ST6GALNAC3: variants seen among roughly 807,000 people sequenced by gnomAD.
The protein encoded by ST6GALNAC3 is alpha-N-acetylgalactosaminide alpha-2,6-sialyltransferase 3.
In ST6GALNAC3, 25 loss-of-function variants were observed where a neutral mutation model predicts 32.7. The ratio of observed to expected loss-of-function variants is 0.76; its 90% CI spans 0.56 to 1.07. The LOEUF (loss-of-function observed/expected upper bound fraction) is 1.07, where lower values mean the gene tolerates loss of function less well. Among genes scored for constraint, ST6GALNAC3 ranks in the 50% least tolerant of loss-of-function variants. ST6GALNAC3 has a pLI of 0.00. For synonymous variants in ST6GALNAC3, 129 were observed against 133.1 expected (o/e 0.97, Z 0.21); for missense variants, 355 against 382.4 (o/e 0.93, Z 0.60).
chr1:76,323,588 G>A (rs578067405), intron 2 of ST6GALNAC3, among the ~76,000 whole-genome samples: 32 of 152,204 alleles, frequency 2.1e-4, no homozygotes, highest in South Asian at 8.3e-4. Context: ...TACATGCAAC[G>A]CACTGTGCTA....
At chr1:76,492,969 C>T (rs112513138) in intron 3 of ST6GALNAC3, among the ~76,000 whole-genome samples, 4,231 of 151,946 alleles carry the variant, frequency 0.028, 96 homozygotes, top group Admixed American at 0.069. Flanking sequence ...ATTCTTACTT[C>T]CCTTTAGGGT....
intron 1 of ST6GALNAC3, among the ~76,000 whole-genome samples, chr1:76,274,854 C>T (rs934076563): frequency 2.0e-5 from 3 of 152,152 alleles, no homozygotes; most frequent in African/African-American, 7.2e-5. Flanking sequence ...ACAGCAGAAG[C>T]ACTCAAATTC....
chr1:76,585,171 G>C (rs1450648495), intron 3 of ST6GALNAC3, among the ~76,000 whole-genome samples: 2 of 152,054 alleles, frequency 1.3e-5, no homozygotes, highest in African/African-American at 4.8e-5. Context: ...GATCACCTGA[G>C]GTCAGGAGTT....
Position 76,519,076 on chromosome 1 carries a change from T to C in ST6GALNAC3, c.623+106659T>C, listed in dbSNP as rs981506850. ...AAATAAAATGTATCACTTAGCTTTATTATCAATACTTTTTAGACTTAAAAA... is the reference window on the plus strand; with the variant it reads ...AAATAAAATGTATCACTTAGCTTTACTATCAATACTTTTTAGACTTAAAAA... On this transcript the variant is annotated intron_variant, in intron 3 of 4. Coordinates refer to ENST00000328299, the MANE Select transcript of ST6GALNAC3 (RefSeq NM_152996.4). 4.6e-5 allele frequency among the ~76,000 whole-genome samples: 7 copies of C among 152,290 alleles called. 1 individual carries two copies. In the South Asian group the frequency reaches 6.2e-4, roughly 14 times the overall value.
chr1:76,283,408 G>A (rs1462285277), intron 1 of ST6GALNAC3, among the ~76,000 whole-genome samples: 4 of 152,034 alleles, frequency 2.6e-5, no homozygotes, highest in East Asian at 1.9e-4. Context: ...ACTTTCAGGC[G>A]CTGTGGTCTA....
chr1:76,360,964 G>A (rs1649881154), intron 2 of ST6GALNAC3, among the ~76,000 whole-genome samples: 1 of 152,102 alleles, frequency 6.6e-6, no homozygotes, highest in Non-Finnish European at 1.5e-5. Flanking sequence ...GCTAATTAAA[G>A]GAGTGAAGGC....
chr1:76,277,244 G>T (rs1659180879), intron 1 of ST6GALNAC3, among the ~76,000 whole-genome samples: 1 of 151,872 alleles, frequency 6.6e-6, no homozygotes, highest in South Asian at 2.1e-4. Context: ...ATATATTTGT[G>T]TATGCCTATG....
chr1:76,624,909 CAT>C (rs1426005211), intron 3 of ST6GALNAC3, among the ~76,000 whole-genome samples: 3 of 151,962 alleles, frequency 2.0e-5, no homozygotes, highest in Non-Finnish European at 4.4e-5. Flanking sequence ...GACGTATTCA[CAT>C]GTTTGCTCAT....
At chr1:76,284,626 A>AT (rs5775334) in intron 1 of ST6GALNAC3, among the ~76,000 whole-genome samples, 64,644 of 151,566 alleles carry the variant, frequency 0.43, 13,927 homozygotes, top group Admixed American at 0.48. Flanking sequence ...ATGCTTGAGG[A>AT]TTTTTTTTGC....
intron 2 of ST6GALNAC3, among the ~76,000 whole-genome samples, chr1:76,374,241 T>C (rs139435875): frequency 1.4e-3 from 219 of 152,300 alleles, no homozygotes; most frequent in African/African-American, 4.9e-3. Context: ...ATAAATGTGA[T>C]GCTTGGGTGT....
At chr1:76,240,259 T>C (rs1656890348) in intron 1 of ST6GALNAC3, among the ~76,000 whole-genome samples, 2 of 152,220 alleles carry the variant, frequency 1.3e-5, no homozygotes, top group South Asian at 4.1e-4. Flanking sequence ...GTATGATGTT[T>C]TACGTAGAAC....
intron 3 of ST6GALNAC3, among the ~76,000 whole-genome samples, chr1:76,601,179 T>G (rs1647222157): frequency 1.3e-5 from 2 of 151,994 alleles, no homozygotes; most frequent in South Asian, 4.2e-4. Context: ...GTCAGGGCTA[T>G]AGAGCAAGAT....
At chr1:76,426,358 A>G (rs1315960466) in intron 3 of ST6GALNAC3, among the ~76,000 whole-genome samples, 1 of 151,638 alleles carries the variant, frequency 6.6e-6, no homozygotes, top group Non-Finnish European at 1.5e-5. Context: ...GTTGTTTGGG[A>G]TTGTTAGTTC....
At chr1:76,570,528 C>A (rs866016971) in intron 3 of ST6GALNAC3, among the ~76,000 whole-genome samples, 1 of 152,088 alleles carries the variant, frequency 6.6e-6, no homozygotes, top group African/African-American at 2.4e-5. Flanking sequence ...TAGGAAACTA[C>A]TTAAAAGAAG....
At chr1:76,180,936 C>A (rs960385156) in intron 1 of ST6GALNAC3, among the ~76,000 whole-genome samples, 4 of 152,244 alleles carry the variant, frequency 2.6e-5, no homozygotes, top group Admixed American at 6.5e-5. Context: ...TGGCCCTCTG[C>A]CCTTGCAAAA....
chr1:76,622,300 T>C (rs1238121742), intron 3 of ST6GALNAC3, among the ~76,000 whole-genome samples: 1 of 151,962 alleles, frequency 6.6e-6, no homozygotes, highest in Non-Finnish European at 1.5e-5. Flanking sequence ...GGCTAAGACT[T>C]GCCCTTTGGG....
intron 2 of ST6GALNAC3, among the ~76,000 whole-genome samples, chr1:76,316,170 A>T (rs1488360781): frequency 6.6e-6 from 1 of 152,182 alleles, no homozygotes; most frequent in African/African-American, 2.4e-5. Flanking sequence ...ACTATTGTAT[A>T]CTTGTAGTGG....
At position 76,074,827 on chromosome 1, in the gene ST6GALNAC3, C is replaced by T; in HGVS notation, c.-40C>T. 6.4e-7 allele frequency: 1 copy of T among 1,567,980 alleles called. No individual in the cohort carries two copies. The highest frequency in any genetic ancestry group is 2.4e-5 in the East Asian group (1 of 42,286). On this transcript the variant is annotated 5_prime_UTR_variant, in exon 1 of 5. Coordinates refer to ENST00000328299, the MANE Select transcript of ST6GALNAC3 (RefSeq NM_152996.4). ...CCCCCAGGACTGCCCCTGACCCAGG[C>T]GCGCCCGCTGCTCGGTGGCAGGAGG...
At chr1:76,406,082 A>C (rs1453315242) in intron 2 of ST6GALNAC3, among the ~76,000 whole-genome samples, 1 of 152,014 alleles carries the variant, frequency 6.6e-6, no homozygotes, top group Non-Finnish European at 1.5e-5. Flanking sequence ...ATAAAATAAA[A>C]ATAAAAACAG....
Sources: allele counts gnomAD v4.1 joint callset (sites outside exome capture counted in the v4.1 genomes callset), GRCh38; gene constraint gnomAD v4.1.1; transcripts MANE v1.5; gene names NCBI Gene and HGNC (gene_info 2026-07-23, HGNC 2026-07-21).